RNF17: variants seen among roughly 807,000 people sequenced by gnomAD.
RNF17 encodes the protein ring finger protein 17.
Under a neutral mutation model 200.5 loss-of-function variants are expected in RNF17, and 31 were observed. The ratio of observed to expected loss-of-function variants is 0.15; its 90% CI spans 0.12 to 0.21. The LOEUF (loss-of-function observed/expected upper bound fraction) is 0.21, where lower values mean the gene tolerates loss of function less well. Among genes scored for constraint, RNF17 ranks in the 10% least tolerant of loss-of-function variants. The probability of loss-of-function intolerance (pLI) is 1.00; values close to 1 mark genes in which losing one functional copy is unlikely to be tolerated. For missense variants in RNF17, 1,628 were observed against 1,905.1 expected (o/e 0.85, Z 2.71); for synonymous variants, 606 against 637.8 (o/e 0.95, Z 0.75).
At chr13:24,749,499 T>C in the RNF17 span, among the ~76,000 whole-genome samples, 36 of 152,066 alleles carry the variant, frequency 2.4e-4, no homozygotes, top group African/African-American at 7.2e-4. Flanking sequence ...AAACAATTGC[T>C]TAAGATTTTA....
At chr13:24,830,864 G>A (rs1889310105) in intron 17 of RNF17, among the ~76,000 whole-genome samples, 1 of 152,178 alleles carries the variant, frequency 6.6e-6, no homozygotes, top group Non-Finnish European at 1.5e-5. Context: ...ATCATATATT[G>A]TGGTAAGAGT....
intron 2 of RNF17, among the ~76,000 whole-genome samples, chr13:24,773,699 TAAAG>T (rs1881130273): frequency 6.6e-6 from 1 of 152,226 alleles, no homozygotes; most frequent in African/African-American, 2.4e-5. Flanking sequence ...TCTAAAATTT[TAAAG>T]AAAAAGATAA....
chr13:24,772,426 ATTTTTTTTTT>A (rs34066913), intron 2 of RNF17, among the ~76,000 whole-genome samples: 8 of 106,024 alleles, frequency 7.5e-5, no homozygotes, highest in South Asian at 3.3e-4. Context: ...TTGAGTCTCC[ATTTTTTTTTT>A]TTTTTTTTTT....
chr13:24,867,987 T>C (rs1245876381), intron 30 of RNF17, among the ~76,000 whole-genome samples: 1 of 152,234 alleles, frequency 6.6e-6, no homozygotes, highest in African/African-American at 2.4e-5. Context: ...TTAGTGGCAG[T>C]TACTATTGAC....
At chr13:24,754,438 G>T in the RNF17 span, among the ~76,000 whole-genome samples, 1 of 152,088 alleles carries the variant, frequency 6.6e-6, no homozygotes, top group Non-Finnish European at 1.5e-5. Context: ...ATCTCTCTGT[G>T]CTTCTGTTTC....
intron 25 of RNF17, among the ~76,000 whole-genome samples, chr13:24,858,570 T>C (rs1023623038): frequency 4.6e-5 from 2 of 43,924 alleles, no homozygotes; most frequent in African/African-American, 7.7e-5. Context: ...ATGGTATCAG[T>C]TATGGATATA....
the RNF17 span, among the ~76,000 whole-genome samples, chr13:24,887,345 C>T: frequency 6.6e-6 from 1 of 152,184 alleles, no homozygotes; most frequent in Admixed American, 6.5e-5. Flanking sequence ...GGCCACACAG[C>T]AGGAGATGAG....
At chr13:24,765,305 G>A (rs1879503653) in intron 1 of RNF17, among the ~76,000 whole-genome samples, 1 of 152,080 alleles carries the variant, frequency 6.6e-6, no homozygotes, top group Admixed American at 6.6e-5. Context: ...GTGAGCCACC[G>A]CGCCCGGCCG....
At chr13:24,883,429 G>A, downstream of RNF17, 3 of 1,352,872 alleles carry the variant, frequency 2.2e-6, no homozygotes, top group Non-Finnish European at 3.1e-6. Flanking sequence ...ATAAACAACA[G>A]AAAAACTACT....
Position 24,861,395 on chromosome 13 carries a change from CATA to C in RNF17, c.3894+14_3894+16del, listed in dbSNP as rs1304724645. 1.4e-6 allele frequency: 2 copies of C among 1,474,366 alleles called. No homozygotes were observed. The highest frequency in any genetic ancestry group is 5.1e-5 in the East Asian group (2 of 38,896). 91.3% of individuals were successfully genotyped at this position (1,474,366 alleles called of 1,614,324 possible). On this transcript the variant is annotated intron_variant, in intron 27 of 35. Coordinates refer to ENST00000255324, the MANE Select transcript of RNF17 (RefSeq NM_031277.3). Reference sequence around the variant, plus strand: ...CTCCATAATACCACACCTGTGAGTACATAATAATTTGTGGAATGATTAATTTTA... The same window carrying C: ...CTCCATAATACCACACCTGTGAGTACATAATTTGTGGAATGATTAATTTTA...
At chr13:24,840,510 G>A (rs1329282467) in intron 18 of RNF17, among the ~76,000 whole-genome samples, 1 of 142,710 alleles carries the variant, frequency 7.0e-6, no homozygotes, top group South Asian at 2.4e-4. Context: ...TAAAGAAACT[G>A]TGATTTATAC....
chr13:24,861,134 C>A, intron 26 of RNF17, 134 bp from the exon 27 acceptor site: 2 of 638,158 alleles, frequency 3.1e-6, no homozygotes, highest in Non-Finnish European at 5.0e-6. Flanking sequence ...CCACCTCTGC[C>A]TCCCAGAGTG....
chr13:24,879,135 A>G, intron 34 of RNF17, 52 bp from the exon 35 acceptor site: 1 of 1,372,864 alleles, frequency 7.3e-7, no homozygotes, highest in Non-Finnish European at 1.0e-6. Flanking sequence ...TGAGAGGGAA[A>G]AGGCAGCAAA....
intron 35 of RNF17, 47 bp downstream of exon 35, chr13:24,879,342 A>G: frequency 8.1e-7 from 1 of 1,228,380 alleles, no homozygotes; most frequent in Non-Finnish European, 1.2e-6. Flanking sequence ...ACTAGTGGAG[A>G]TGAATGCTAG....
chr13:24,753,494 C>T, the RNF17 span, among the ~76,000 whole-genome samples: 2,406 of 152,242 alleles, frequency 0.016, 68 homozygotes, highest in African/African-American at 0.055. Flanking sequence ...TGGCCAGGGA[C>T]GTTGGGACTG....
chr13:24,849,099 A>G (rs1232285267), intron 22 of RNF17, among the ~76,000 whole-genome samples: 1 of 152,158 alleles, frequency 6.6e-6, no homozygotes, highest in Non-Finnish European at 1.5e-5. Flanking sequence ...CCAAGATGGG[A>G]GGATCCGTTG....
At chr13:24,758,695 T>C in the RNF17 span, among the ~76,000 whole-genome samples, 3 of 152,032 alleles carry the variant, frequency 2.0e-5, no homozygotes, top group Non-Finnish European at 4.4e-5. Context: ...GAAGAAAAGG[T>C]TGATTTTTGG....
intron 15 of RNF17, among the ~76,000 whole-genome samples, chr13:24,811,253 A>G (rs1886570902): frequency 2.0e-5 from 3 of 151,542 alleles, no homozygotes; most frequent in Admixed American, 2.0e-4. Context: ...ACTTGGTTCC[A>G]TTCTCCCCGT....
downstream of RNF17, among the ~76,000 whole-genome samples, chr13:24,881,801 T>TAA (rs1407369165): frequency 7.3e-6 from 1 of 136,200 alleles, no homozygotes; most frequent in African/African-American, 2.7e-5. Flanking sequence ...CGTCTCTATA[T>TAA]ATCTAGATAT....
Sources: allele counts gnomAD v4.1 joint callset (sites outside exome capture counted in the v4.1 genomes callset), GRCh38; gene constraint gnomAD v4.1.1; transcripts MANE v1.5; gene names NCBI Gene and HGNC (gene_info 2026-07-23, HGNC 2026-07-21).